The following TXLNB variants were observed in gnomAD, a reference collection of about 807,000 sequenced individuals.
TXLNB encodes the protein beta-taxilin.
A neutral mutation model predicts 57.4 loss-of-function variants in TXLNB; 37 were observed. The ratio of observed to expected loss-of-function variants is 0.64; its 90% CI spans 0.50 to 0.85. The LOEUF is 0.85. Among genes scored for constraint, TXLNB ranks in the 40% least tolerant of loss-of-function variants. The pLI, the probability that TXLNB is intolerant of heterozygous loss-of-function variation, is 0.00. For missense variants in TXLNB, 848 were observed against 825.6 expected (o/e 1.03, Z -0.33); for synonymous variants, 302 against 309.6 (o/e 0.98, Z 0.26).
At chr6:139,164,449 A>G in the TXLNB span, among the ~76,000 whole-genome samples, 1 of 152,064 alleles carries the variant, frequency 6.6e-6, no homozygotes, top group South Asian at 2.1e-4. Context: ...TGCTTCCTGT[A>G]GTGTGCTGGA....
chr6:139,321,601 T>C, the TXLNB span, among the ~76,000 whole-genome samples: 8 of 150,598 alleles, frequency 5.3e-5, no homozygotes, highest in Non-Finnish European at 1.0e-4. Context: ...TGAAAACTTT[T>C]ACATTTATGT....
chr6:139,199,390 T>C, the TXLNB span, among the ~76,000 whole-genome samples: 3 of 152,230 alleles, frequency 2.0e-5, no homozygotes, highest in Non-Finnish European at 4.4e-5. Flanking sequence ...TCAAATGTGT[T>C]ATTGAACATT....
At chr6:139,209,333 A>G in the TXLNB span, among the ~76,000 whole-genome samples, 1 of 152,216 alleles carries the variant, frequency 6.6e-6, no homozygotes, top group Non-Finnish European at 1.5e-5. Flanking sequence ...ATGTTCATGG[A>G]TGGGTAGAAT....
chr6:139,196,875 A>G, the TXLNB span, among the ~76,000 whole-genome samples: 3 of 152,142 alleles, frequency 2.0e-5, no homozygotes, highest in Non-Finnish European at 4.4e-5. Flanking sequence ...AATTCAAGCC[A>G]TGTTCACTTT....
At chr6:139,177,374 T>G in the TXLNB span, 6 of 263,450 alleles carry the variant, frequency 2.3e-5, no homozygotes, top group Non-Finnish European at 4.3e-5. This position sits in a 1 kb window ranked among gnomAD's most constrained non-coding sequence, Gnocchi z 4.9. Context: ...AGCTTTAAGA[T>G]GGTGGGGAGG....
rs1271377732 is a variant in TXLNB, at chr6:139,285,323, A to AGTT, written c.424+3150_424+3152dup. Among the ~76,000 whole-genome samples, 11 of 141,932 alleles carry AGTT rather than the reference A, an allele frequency of 7.8e-5. 1 individual carries two copies. Among genetic ancestry groups the AGTT allele is most frequent in the African/African-American group, 2.9e-4 (11 of 38,356 alleles). 93.1% of individuals were successfully genotyped at this position (141,932 alleles called of 152,430 possible). A position where few individuals can be genotyped will look rare whatever the true frequency, so the allele number is the denominator to read the frequency against. The stretch of plus-strand genomic sequence containing the variant: ...ACACACACCCCAATTCTTATGTAAA[A>AGTT]GTTTTAGGGTGATTGAAAAATAACT... On this transcript the variant is annotated intron_variant, in intron 2 of 9. Transcript: ENST00000358430.
chr6:139,244,743 GA>G, intron 8 of TXLNB, 53 bp from the exon 9 acceptor site: 1 of 1,269,434 alleles, frequency 7.9e-7, no homozygotes, highest in South Asian at 1.2e-5. Flanking sequence ...ATATATCAAG[GA>G]AGCTATTAGC....
At chr6:139,265,164 A>T (rs1776584225) in intron 4 of TXLNB, among the ~76,000 whole-genome samples, 1 of 152,214 alleles carries the variant, frequency 6.6e-6, no homozygotes, top group Non-Finnish European at 1.5e-5. Flanking sequence ...ATGTACAGAC[A>T]TATGAGTAGC....
chr6:139,249,707 G>T (rs1207481889), intron 7 of TXLNB, among the ~76,000 whole-genome samples: 4 of 152,074 alleles, frequency 2.6e-5, no homozygotes, highest in Non-Finnish European at 5.9e-5. Context: ...CAATAATTTG[G>T]AGTAGTAGAG....
At chr6:139,285,206 C>T (rs1777142796) in intron 2 of TXLNB, among the ~76,000 whole-genome samples, 1 of 139,018 alleles carries the variant, frequency 7.2e-6, no homozygotes, top group African/African-American at 2.7e-5. Context: ...GAGTAGAAAC[C>T]CAAATTGGTT....
At chr6:139,243,489 T>C (rs562633538) in intron 9 of TXLNB, among the ~76,000 whole-genome samples, 175 bp from the exon 10 acceptor site, 3 of 141,010 alleles carry the variant, frequency 2.1e-5, no homozygotes, top group African/African-American at 8.8e-5. Context: ...GGACATCACT[T>C]TCCTTTTTTT....
At chr6:139,217,607 A>G in the TXLNB span, among the ~76,000 whole-genome samples, 10 of 152,244 alleles carry the variant, frequency 6.6e-5, no homozygotes, top group East Asian at 3.9e-4. Flanking sequence ...GGCGGCTCAC[A>G]CCTGTAATCC....
intron 2 of TXLNB, chr6:139,277,172 G>C (rs1776920021): frequency 2.7e-6 from 1 of 365,982 alleles, no homozygotes; most frequent in African/African-American, 2.1e-5. Context: ...TGCTATAACA[G>C]AAGTCTCCCA....
At chr6:139,198,222 T>C in the TXLNB span, among the ~76,000 whole-genome samples, 108,165 of 151,458 alleles carry the variant, frequency 0.71, 39,981 homozygotes, top group African/African-American at 0.86. Flanking sequence ...CTAATAAACC[T>C]GGATTTTGTT....
chr6:139,174,131 C>T, the TXLNB span, among the ~76,000 whole-genome samples: 25 of 152,300 alleles, frequency 1.6e-4, no homozygotes, highest in East Asian at 4.6e-3. Flanking sequence ...CCCAGCAGCC[C>T]TTTTTGGAAA....
At chr6:139,304,654 T>C in the TXLNB span, among the ~76,000 whole-genome samples, 1 of 151,926 alleles carries the variant, frequency 6.6e-6, no homozygotes, top group Non-Finnish European at 1.5e-5. Flanking sequence ...GTAAAACAGG[T>C]AGAGAGGGTT....
chr6:139,311,486 T>G, the TXLNB span, among the ~76,000 whole-genome samples: 5 of 149,496 alleles, frequency 3.3e-5, no homozygotes, highest in South Asian at 8.7e-4. Flanking sequence ...TCTGAGACTT[T>G]ACTTTGTGAT....
At chr6:139,165,373 A>G in the TXLNB span, among the ~76,000 whole-genome samples, 2 of 152,202 alleles carry the variant, frequency 1.3e-5, no homozygotes, top group South Asian at 2.1e-4. Context: ...AGAATGGTAC[A>G]TATGTTACAA....
chr6:139,243,464 C>T, intron 9 of TXLNB, 150 bp from the exon 10 acceptor site: 1 of 686,112 alleles, frequency 1.5e-6, no homozygotes, highest in Non-Finnish European at 2.4e-6. Flanking sequence ...AGGGGCTGAA[C>T]AGATGCTTGG....
Sources: allele counts gnomAD v4.1 joint callset (sites outside exome capture counted in the v4.1 genomes callset), GRCh38; gene constraint gnomAD v4.1.1; non-coding constraint Gnocchi (gnomAD v3.1); transcripts MANE v1.5; gene names NCBI Gene and HGNC (gene_info 2026-07-23, HGNC 2026-07-21).